EEA1: variants seen among roughly 807,000 people sequenced by gnomAD.
EEA1 encodes the protein early endosome antigen 1.
A neutral mutation model predicts 209.2 loss-of-function variants in EEA1; 111 were observed. The ratio of observed to expected loss-of-function variants is 0.53; its 90% CI spans 0.45 to 0.62. The LOEUF (loss-of-function observed/expected upper bound fraction) is 0.62, where lower values mean the gene tolerates loss of function less well. EEA1 is among the 20% of genes least tolerant of loss of function. EEA1 has a pLI of 0.00. For synonymous variants in EEA1, 536 were observed against 540.6 expected, an observed-to-expected ratio of 0.99 and a Z score of 0.12; for missense variants, 1,343 against 1,530.8, an observed-to-expected ratio of 0.88 and a Z score of 2.05.
Position 92,773,053 on chromosome 12 carries a change from A to G in EEA1, c.*2958T>C, listed in dbSNP as rs927468573. On this transcript the variant is annotated 3_prime_UTR_variant, in exon 29 of 29. Transcript: ENST00000322349. ...GTGTGGCACGTTATAATTACAGAAT[A>G]CCATTCATCAAGCTCATGTCTAGGA... 2 of 152,200 alleles carry G rather than the reference A, an allele frequency of 1.3e-5. No individual in the cohort carries two copies. The highest frequency in any genetic ancestry group is 6.6e-5 in the Admixed American group (1 of 15,216). 9.4% of individuals were successfully genotyped at this position (152,200 alleles called of 1,614,324 possible). A position where few individuals can be genotyped will look rare whatever the true frequency, so the allele number is the denominator to read the frequency against.
In EEA1 at chr12:92,832,663, C is replaced by T; in HGVS notation, c.1103G>A (p.Ser368Asn). The change falls in exon 11 of 29, where the codon AGT becomes AAT. Residue 368 changes from serine (S) to asparagine (N), a missense_variant. By Grantham distance (46) the Ser-to-Asn change is conservative. Transcript: ENST00000322349. ...CTTTTGAGTAGCTTCTCCTTTTTCA[C>T]TTAGTTCTACATGTATTCTATGCAG... ...TSLHRIHVEL[S>N]EKGEATQKLK... 3 of 1,613,976 alleles carry T rather than the reference C, an allele frequency of 1.9e-6. No individual in the cohort carries two copies. The highest frequency in any genetic ancestry group is 1.7e-6 in the Non-Finnish European group (2 of 1,179,982).
rs1268962800 is a variant in EEA1 at position 92,773,199 on chromosome 12, A to ATCATAATT, written c.*2804_*2811dup. On this transcript the variant is annotated 3_prime_UTR_variant, in exon 29 of 29. Coordinates refer to ENST00000322349, the MANE Select transcript of EEA1 (RefSeq NM_003566.4). ...CAGGTCATGAATATCAAAATATATG[A>ATCATAATT]TCATAATTTGCTCTCTACTTAAAAG... The ATCATAATT allele has an allele frequency of 6.6e-6, 1 of 152,132 alleles. No homozygotes were observed. The highest frequency in any genetic ancestry group is 1.5e-5 in the Non-Finnish European group (1 of 67,680). 9.4% of individuals were successfully genotyped at this position (152,132 alleles called of 1,614,324 possible).
intron 21 of EEA1, among the ~76,000 whole-genome samples, chr12:92,792,097 C>T (rs1358560644): frequency 6.6e-6 from 1 of 152,076 alleles, no homozygotes; most frequent in African/African-American, 2.4e-5. Flanking sequence ...CACAACATAC[C>T]AGAATCTCTG....
chr12:92,824,771 C>T (rs1390562350), intron 13 of EEA1, among the ~76,000 whole-genome samples: 1 of 152,188 alleles, frequency 6.6e-6, no homozygotes, highest in East Asian at 1.9e-4. Flanking sequence ...ATTTAACATG[C>T]TATATGTTTT....
At chr12:92,886,901 G>A (rs1180416444) in intron 2 of EEA1, among the ~76,000 whole-genome samples, 1 of 152,012 alleles carries the variant, frequency 6.6e-6, no homozygotes, top group Non-Finnish European at 1.5e-5. Flanking sequence ...GGGAGGCTGA[G>A]ACAGGAGAAT....
chr12:92,856,738 A>T (rs1007194284), intron 5 of EEA1, among the ~76,000 whole-genome samples: 1 of 147,234 alleles, frequency 6.8e-6, no homozygotes, highest in Non-Finnish European at 1.5e-5. Context: ...AGCCTGGTAT[A>T]AAAAAAAACA....
chr12:92,925,181 C>CAA (rs796274410), intron 1 of EEA1, among the ~76,000 whole-genome samples: 13,197 of 119,656 alleles, frequency 0.11, 837 homozygotes, highest in African/African-American at 0.19. Flanking sequence ...AAAGATGTCT[C>CAA]AAAAAAAAAA....
intron 10 of EEA1, among the ~76,000 whole-genome samples, chr12:92,835,118 T>C (rs1045100879): frequency 6.6e-6 from 1 of 151,952 alleles, no homozygotes; most frequent in Non-Finnish European, 1.5e-5. Context: ...CCTGACCTCA[T>C]GATCCGCCCA....
At chr12:92,782,410 A>C (rs1873942997) in intron 22 of EEA1, among the ~76,000 whole-genome samples, 2 of 152,220 alleles carry the variant, frequency 1.3e-5, no homozygotes, top group African/African-American at 4.8e-5. Flanking sequence ...GTATTTGCTG[A>C]ATGTTGATCA....
intron 2 of EEA1, among the ~76,000 whole-genome samples, chr12:92,879,919 T>C (rs1458927518): frequency 6.6e-6 from 1 of 152,176 alleles, no homozygotes; most frequent in Non-Finnish European, 1.5e-5. Flanking sequence ...GGGTTTCCCA[T>C]GTCCTGGTCC....
In EEA1 at chr12:92,775,925, C is replaced by A. The variant is rs1034855105; in HGVS notation, c.*86G>T. On this transcript the variant is annotated 3_prime_UTR_variant, in exon 29 of 29. Transcript: ENST00000322349. ...TCTAGTATTGCAACCAGTGTCCAAA[C>A]CAAATAGTAGTCCAAGACCTCTATT... is the stretch of plus-strand genomic sequence containing the variant. 1.4e-6 allele frequency: 2 copies of A among 1,447,932 alleles called. No homozygotes were observed. The highest frequency in any genetic ancestry group is 1.8e-6 in the Non-Finnish European group (2 of 1,083,384). 89.7% of individuals were successfully genotyped at this position (1,447,932 alleles called of 1,614,324 possible). A position where few individuals can be genotyped will look rare whatever the true frequency, so the allele number is the denominator to read the frequency against.
chr12:92,908,089 G>A (rs73364454), intron 1 of EEA1, among the ~76,000 whole-genome samples: 2,586 of 152,258 alleles, frequency 0.017, 32 homozygotes, highest in East Asian at 0.04. Context: ...GTCTGTCAAC[G>A]GATGAATGGA....
chr12:92,839,080 A>G (rs1488033028), intron 10 of EEA1, among the ~76,000 whole-genome samples: 1 of 152,240 alleles, frequency 6.6e-6, no homozygotes, highest in Non-Finnish European at 1.5e-5. Flanking sequence ...GAAAACATGT[A>G]TCCACCACCA....
At chr12:92,880,223 G>C (rs778286745) in intron 2 of EEA1, among the ~76,000 whole-genome samples, 41 of 152,166 alleles carry the variant, frequency 2.7e-4, no homozygotes, top group Non-Finnish European at 5.4e-4. Flanking sequence ...GTAAATAGGA[G>C]GCAATGAAAA....
intron 21 of EEA1, among the ~76,000 whole-genome samples, chr12:92,798,354 T>A (rs141780591): frequency 6.6e-4 from 100 of 151,892 alleles, no homozygotes; most frequent in East Asian, 3.9e-3. Context: ...TATTATTATT[T>A]TTTTTTGAGA....
intron 2 of EEA1, among the ~76,000 whole-genome samples, chr12:92,876,654 C>T (rs1049839975): frequency 7.9e-5 from 12 of 151,954 alleles, no homozygotes; most frequent in Admixed American, 2.0e-4. Context: ...TTTATAATAG[C>T]AGTCTGAACT....
intron 1 of EEA1, among the ~76,000 whole-genome samples, chr12:92,924,132 TAAGAA>T (rs1383315829): frequency 7.7e-6 from 1 of 130,128 alleles, no homozygotes; most frequent in African/African-American, 2.9e-5. Context: ...AAGAAAAAAA[TAAGAA>T]AAGAAAGTTA....
chr12:92,788,240 TAA>T, intron 21 of EEA1, among the ~76,000 whole-genome samples, 191 bp from the exon 22 acceptor site: 1 of 151,936 alleles, frequency 6.6e-6, no homozygotes, highest in South Asian at 2.1e-4. Context: ...AGTCTCAATT[TAA>T]AGAACATAAA....
intron 9 of EEA1, 77 bp from the exon 10 acceptor site, chr12:92,842,658 G>T (rs922896096): frequency 1.1e-6 from 1 of 911,460 alleles, no homozygotes; most frequent in Non-Finnish European, 1.6e-6. Context: ...GTATATAAAG[G>T]TTTTAAGAAA....
Sources: gnomAD v4.1 joint callset for allele counts (sites outside exome capture counted in the v4.1 genomes callset) on GRCh38, gnomAD v4.1.1 for gene constraint, MANE v1.5 for transcripts, NCBI Gene and HGNC (gene_info 2026-07-23, HGNC 2026-07-21) for gene names.